The following JAKMIP1 variants were observed in gnomAD, a reference collection of about 807,000 sequenced individuals.
The protein encoded by JAKMIP1 is janus kinase and microtubule interacting protein 1, also known as janus kinase and microtubule-interacting protein 1.
JAKMIP1 carries 33 observed loss-of-function variants against 113.0 expected under a neutral mutation model. That is an observed-to-expected ratio of 0.29 (90% CI 0.22 to 0.39). The LOEUF (loss-of-function observed/expected upper bound fraction) is 0.39, where lower values mean the gene tolerates loss of function less well. Ranked by LOEUF, JAKMIP1 falls within the 10% of genes least tolerant of loss-of-function variation. JAKMIP1 has a pLI of 1.00. For missense variants in JAKMIP1, 813 were observed against 1,080.5 expected (o/e 0.75, Z 3.47); for synonymous variants, 480 against 459.9 (o/e 1.04, Z -0.56).
intron 1 of JAKMIP1, among the ~76,000 whole-genome samples, chr4:6,126,371 G>GCACAAACACACACCATGTAGAAACACTCA (rs149868835): frequency 8.5e-6 from 1 of 117,484 alleles, no homozygotes; most frequent in Non-Finnish European, 1.7e-5. Context: ...ACACACACAT[G>GCACAAACACACACCATGTAGAAACACTCA]CACAAACACA....
chr4:6,141,893 G>A lies in JAKMIP1; in HGVS notation c.-147-28896C>T, dbSNP rs1336166182. 6.6e-6 allele frequency among the ~76,000 whole-genome samples: 1 copy of A among 152,172 alleles called. No individual in the cohort carries two copies. Among genetic ancestry groups the A allele is most frequent in the East Asian group, 1.9e-4 (1 of 5,180 alleles). On this transcript the variant is annotated intron_variant, in intron 1 of 20. Transcript: ENST00000409021. The surrounding 1 kb of genome is among the most constrained non-coding windows in gnomAD (Gnocchi z 9.4). Reference sequence around the variant, plus strand: ...GGAGAGGCGCTTACGCTTCCTAAGGGCGTTAACCGTCTCTCTCTCATTTTA... The same window carrying A: ...GGAGAGGCGCTTACGCTTCCTAAGGACGTTAACCGTCTCTCTCTCATTTTA...
At chr4:6,077,270 G>A (rs1389854916) in intron 8 of JAKMIP1, among the ~76,000 whole-genome samples, 3 of 152,050 alleles carry the variant, frequency 2.0e-5, no homozygotes, top group Non-Finnish European at 2.9e-5. Flanking sequence ...AAGCCACAGA[G>A]ACACACAGGT....
At position 6,116,128 on chromosome 4, in the gene JAKMIP1, C is replaced by G. The variant is rs1715737416; in HGVS notation, c.-147-3131G>C. On this transcript the variant is annotated intron_variant, in intron 1 of 20. Transcript: ENST00000409021. This position sits in a 1 kb window ranked among gnomAD's most constrained non-coding sequence, Gnocchi z 5.1. Reference sequence around the variant, plus strand: ...GCAGGAGGGGAAGATGTCCAAAGTTCTGGGCCAAGTCAATCTCGGAGCTCA... The same window carrying G: ...GCAGGAGGGGAAGATGTCCAAAGTTGTGGGCCAAGTCAATCTCGGAGCTCA... Among the ~76,000 whole-genome samples, 1 of 152,126 alleles carries G rather than the reference C, an allele frequency of 6.6e-6. No homozygotes were observed. The highest frequency in any genetic ancestry group is 2.1e-4 in the South Asian group (1 of 4,824).
chr4:6,125,347 G>A (rs191288174), intron 1 of JAKMIP1, among the ~76,000 whole-genome samples: 15 of 152,078 alleles, frequency 9.9e-5, no homozygotes, highest in Admixed American at 5.9e-4. Flanking sequence ...GCCCCTCCCC[G>A]CAGACAGGGC....
Position 6,136,493 on chromosome 4 carries a change from G to C in JAKMIP1, c.-147-23496C>G, listed in dbSNP as rs1719267442. Among the ~76,000 whole-genome samples the C allele has an allele frequency of 6.6e-6, 1 of 152,136 alleles. No individual in the cohort carries two copies. Among genetic ancestry groups the C allele is most frequent in the Admixed American group, 6.5e-5 (1 of 15,276 alleles). ...CAGAGTGATCTATTTAATCTCTCAA[G>C]GTCCCAAGAGGGAGGCCTCGCTTCC... On this transcript the variant is annotated intron_variant, in intron 1 of 20. Coordinates refer to ENST00000409021, the MANE Select transcript of JAKMIP1 (RefSeq NM_001099433.2). This position sits in a 1 kb window ranked among gnomAD's most constrained non-coding sequence, Gnocchi z 5.9.
rs1725413157 is a variant in JAKMIP1 at position 6,176,972 on chromosome 4, G to T, written c.-148+23281C>A. On this transcript the variant is annotated intron_variant, in intron 1 of 20. Transcript: ENST00000409021. This position sits in a 1 kb window ranked among gnomAD's most constrained non-coding sequence, Gnocchi z 5.5. ...CGCTTGCATCGGGGAGGTTGAGGCT[G>T]CAGTGAGCCATGATTTGTGCCACTG... Among the ~76,000 whole-genome samples, 1 of 152,180 alleles carries T rather than the reference G, an allele frequency of 6.6e-6. No homozygotes were observed. The highest frequency in any genetic ancestry group is 2.1e-4 in the South Asian group (1 of 4,828).
At position 6,056,726 on chromosome 4, in the gene JAKMIP1, T is replaced by C; in HGVS notation, c.1678A>G (p.Ile560Val). The change falls in exon 12 of 21, where the codon ATC becomes GTC. Residue 560 changes from isoleucine (I) to valine (V), a missense_variant. Ile to Val is a conservative substitution (Grantham distance 29). Transcript: ENST00000409021. ...SKWVEEKQLL[I>V]RTNQDLLEKI... ...TCCAGCAAGTCTTGGTTTGTTCTGA[T>C]GAGCAGCTGCTTCTCTTCAACCCAC... is the stretch of plus-strand genomic sequence containing the variant. 1 of 1,613,744 alleles carries C rather than the reference T, an allele frequency of 6.2e-7. No homozygotes were observed. The highest frequency in any genetic ancestry group is 1.1e-5 in the South Asian group (1 of 91,082).
chr4:6,082,599 C>A (rs6852107), intron 5 of JAKMIP1, among the ~76,000 whole-genome samples: 68,069 of 151,622 alleles, frequency 0.45, 16,333 homozygotes, highest in Admixed American at 0.6. Flanking sequence ...GACGTCCTGG[C>A]CTCAAGTGAT....
At position 6,154,921 on chromosome 4, in the gene JAKMIP1, C is replaced by T. The variant is rs1159799920; in HGVS notation, c.-147-41924G>A. On this transcript the variant is annotated intron_variant, in intron 1 of 20. Coordinates refer to ENST00000409021, the MANE Select transcript of JAKMIP1 (RefSeq NM_001099433.2). The surrounding 1 kb of genome is among the most constrained non-coding windows in gnomAD (Gnocchi z 4.2). ...GAGACCCTCTCACTCCACAAACCAA[C>T]ACAGAGCACGCAGGGAAAGGTGCGG... is the stretch of plus-strand genomic sequence containing the variant. 6.6e-6 allele frequency among the ~76,000 whole-genome samples: 1 copy of T among 152,158 alleles called. No homozygotes were observed. Among genetic ancestry groups the T allele is most frequent in the Non-Finnish European group, 1.5e-5 (1 of 68,032 alleles).
rs201877874 is a variant in JAKMIP1, at chr4:6,040,729, G to A, written c.2098-13C>T. Reference sequence around the variant, plus strand: ...TGCTGAACAGGTCCTGAGAAAGAGGGAGGCGCCATCAGGGACCAGCGTCAG... The same window carrying A: ...TGCTGAACAGGTCCTGAGAAAGAGGAAGGCGCCATCAGGGACCAGCGTCAG... On this transcript the variant is annotated splice_polypyrimidine_tract_variant and intron_variant, in intron 17 of 20. Coordinates refer to ENST00000409021, the MANE Select transcript of JAKMIP1 (RefSeq NM_001099433.2). The surrounding 1 kb of genome is among the most constrained non-coding windows in gnomAD (Gnocchi z 5.8). 2.0e-3 allele frequency: 3,225 copies of A among 1,609,734 alleles called. 11 individuals carry two copies. Among genetic ancestry groups the A allele is most frequent in the Admixed American group, 2.7e-3 (163 of 59,834 alleles).
At chr4:6,037,739 C>T (rs1245089394) in intron 18 of JAKMIP1, among the ~76,000 whole-genome samples, 4 of 140,790 alleles carry the variant, frequency 2.8e-5, no homozygotes, top group Non-Finnish European at 6.2e-5. Context: ...ATCACCGAGG[C>T]AGAGGCTAAC....
chr4:6,066,754 C>A (rs1560133687), intron 8 of JAKMIP1, among the ~76,000 whole-genome samples: 3 of 152,130 alleles, frequency 2.0e-5, no homozygotes, highest in African/African-American at 7.2e-5. Flanking sequence ...GGACCTTCAT[C>A]TTGGTCCCAG....
At chr4:6,145,707 C>T (rs543447082) in intron 1 of JAKMIP1, among the ~76,000 whole-genome samples, 25 of 152,218 alleles carry the variant, frequency 1.6e-4, no homozygotes, top group Admixed American at 9.8e-4. Flanking sequence ...TTTTTCCTTG[C>T]AGTTCTGGAG....
chr4:6,190,013 C>T (rs74543882), intron 1 of JAKMIP1, among the ~76,000 whole-genome samples: 1 of 152,292 alleles, frequency 6.6e-6, no homozygotes, highest in East Asian at 1.9e-4. Flanking sequence ...CATTCCCCTG[C>T]CCCTGGGCCT....
At position 6,049,909 on chromosome 4, in the gene JAKMIP1, T is replaced by C. The variant is rs575537968; in HGVS notation, c.1909-37A>G. 6.1e-6 allele frequency: 9 copies of C among 1,480,526 alleles called. No individual in the cohort carries two copies. The highest frequency in any genetic ancestry group is 8.5e-6 in the Non-Finnish European group (9 of 1,060,278). 91.7% of individuals were successfully genotyped at this position (1,480,526 alleles called of 1,614,324 possible). Reference sequence around the variant, plus strand: ...TTCCAACGTTCATTTTTGTGTGAGCTACAGAGACCAACCATACCAATTTCT... The same window carrying C: ...TTCCAACGTTCATTTTTGTGTGAGCCACAGAGACCAACCATACCAATTTCT... On this transcript the variant is annotated intron_variant, in intron 14 of 20. Transcript: ENST00000409021. The surrounding 1 kb of genome is among the most constrained non-coding windows in gnomAD (Gnocchi z 7.0).
chr4:6,054,764 G>T (rs1233613072), intron 12 of JAKMIP1: 7 of 456,620 alleles, frequency 1.5e-5, no homozygotes, highest in Non-Finnish European at 2.6e-5. Context: ...TCCAAGAAGG[G>T]AAACAGCAGC....
intron 8 of JAKMIP1, among the ~76,000 whole-genome samples, chr4:6,078,231 T>G (rs1293699158): frequency 6.6e-6 from 1 of 151,766 alleles, no homozygotes. Context: ...AGGAGAATCA[T>G]TTAAACCTGG....
intron 3 of JAKMIP1, among the ~76,000 whole-genome samples, chr4:6,104,016 C>T (rs1047249954): frequency 1.3e-5 from 2 of 152,052 alleles, no homozygotes; most frequent in African/African-American, 2.4e-5. Context: ...GTTTAATTTG[C>T]TGTTCTTTTT....
At chr4:6,087,971 T>G (rs979954886) in intron 3 of JAKMIP1, among the ~76,000 whole-genome samples, 4 of 152,130 alleles carry the variant, frequency 2.6e-5, no homozygotes, top group Non-Finnish European at 5.9e-5. Context: ...AGGAGCACTG[T>G]CCCTTCCACA....
Sources: gnomAD v4.1 joint callset for allele counts (sites outside exome capture counted in the v4.1 genomes callset) on GRCh38, gnomAD v4.1.1 for gene constraint, Gnocchi (gnomAD v3.1) non-coding constraint, MANE v1.5 for transcripts, NCBI Gene and HGNC (gene_info 2026-07-23, HGNC 2026-07-21) for gene names.